The following RABEPK variants were observed in gnomAD, a reference collection of about 807,000 sequenced individuals.
The protein encoded by RABEPK is 40 kDa Rab9 effector protein.
RABEPK carries 27 observed loss-of-function variants against 34.1 expected under a neutral mutation model. The ratio of observed to expected loss-of-function variants is 0.79; its 90% CI spans 0.58 to 1.09. The LOEUF is 1.09. Ranked by LOEUF, RABEPK falls within the 50% of genes least tolerant of loss-of-function variation. The probability of loss-of-function intolerance (pLI) is 0.00; values close to 1 mark genes in which losing one functional copy is unlikely to be tolerated. For missense variants in RABEPK, 449 were observed against 462.6 expected (o/e 0.97, Z 0.27); for synonymous variants, 172 against 169.2 (o/e 1.02, Z -0.13).
intron 2 of RABEPK, among the ~76,000 whole-genome samples, chr9:125,206,969 A>G (rs1315053388): frequency 6.6e-6 from 1 of 151,900 alleles, no homozygotes; most frequent in African/African-American, 2.4e-5. Flanking sequence ...CATGCCTGTA[A>G]TCCCAGCTGC....
rs930835824 is a variant in RABEPK, at chr9:125,203,084, C to G, written c.53+18C>G. 1 of 1,608,110 alleles carries G rather than the reference C, an allele frequency of 6.2e-7. No homozygotes were observed. Among genetic ancestry groups the G allele is most frequent in the Non-Finnish European group, 8.5e-7 (1 of 1,175,256 alleles). ...GCAACATGGTCTGTAAGGAAGGATC[C>G]AGACACAGAAAAGCATGAGTTTTTG... On this transcript the variant is annotated intron_variant, in intron 2 of 7. Transcript: ENST00000373538.
chr9:125,215,549 C>CA (rs1251638857), intron 4 of RABEPK, among the ~76,000 whole-genome samples: 1 of 151,904 alleles, frequency 6.6e-6, no homozygotes, highest in East Asian at 1.9e-4. Flanking sequence ...TGGGCTCAAG[C>CA]AATTTTCCTG....
chr9:125,200,710 C>T lies in RABEPK; in HGVS notation c.-203C>T, dbSNP rs774674538. The stretch of plus-strand genomic sequence containing the variant: ...GGTGCAAAGAACGGGGAAGGGCCTT[C>T]CCTGGCTCCGTCCCGGCCACTTTGA... On this transcript the variant is annotated 5_prime_UTR_variant, in exon 1 of 8. Coordinates refer to ENST00000373538, the MANE Select transcript of RABEPK (RefSeq NM_005833.4). The T allele has an allele frequency of 4.5e-5, 21 of 471,264 alleles. 1 individual carries two copies. The highest frequency in any genetic ancestry group is 2.8e-4 in the South Asian group (18 of 64,576). 29.2% of individuals were successfully genotyped at this position (471,264 alleles called of 1,614,324 possible). A position where few individuals can be genotyped will look rare whatever the true frequency, so the allele number is the denominator to read the frequency against.
chr9:125,219,574 T>C (rs1831182467), intron 4 of RABEPK, among the ~76,000 whole-genome samples: 1 of 151,682 alleles, frequency 6.6e-6, no homozygotes, highest in African/African-American at 2.4e-5. Context: ...TATTTATTTA[T>C]TTATTTTTAG....
At chr9:125,216,649 G>T (rs1830944232) in intron 4 of RABEPK, among the ~76,000 whole-genome samples, 1 of 151,936 alleles carries the variant, frequency 6.6e-6, no homozygotes, top group Non-Finnish European at 1.5e-5. Context: ...AATACTCAGG[G>T]TACAGAACAC....
chr9:125,201,476 T>G (rs1829899667), intron 1 of RABEPK, among the ~76,000 whole-genome samples: 1 of 152,356 alleles, frequency 6.6e-6, no homozygotes, highest in Non-Finnish European at 1.5e-5. Context: ...TCTCAGCTTC[T>G]TTAAATATTT....
At chr9:125,201,836 C>G (rs1024904484) in intron 1 of RABEPK, among the ~76,000 whole-genome samples, 2 of 151,700 alleles carry the variant, frequency 1.3e-5, no homozygotes, top group South Asian at 4.1e-4. Flanking sequence ...AGGATGGTAT[C>G]GATCTGACCT....
chr9:125,232,772 T>G, intron 7 of RABEPK, 27 bp downstream of exon 7: 2 of 1,588,976 alleles, frequency 1.3e-6, no homozygotes, highest in Non-Finnish European at 1.7e-6. Context: ...GGGGGATCTT[T>G]AAACAAATCT....
chr9:125,227,009 A>T (rs908152092), intron 5 of RABEPK, among the ~76,000 whole-genome samples: 3 of 151,708 alleles, frequency 2.0e-5, no homozygotes, highest in African/African-American at 4.8e-5. Context: ...GTCTCTACTA[A>T]AAATACAAAA....
chr9:125,219,327 G>C (rs1831164923), intron 4 of RABEPK, among the ~76,000 whole-genome samples: 1 of 150,526 alleles, frequency 6.6e-6, no homozygotes, highest in Non-Finnish European at 1.5e-5. Context: ...TTCCCAAAGT[G>C]CTAGGGTTAC....
chr9:125,204,031 CAA>C (rs111335703), intron 2 of RABEPK, among the ~76,000 whole-genome samples: 41,056 of 81,760 alleles, frequency 0.5, 7,432 homozygotes, highest in East Asian at 0.59. Flanking sequence ...GAATCCGTTT[CAA>C]AAAAAAAAAA....
At chr9:125,214,991 T>C (rs1040521426) in intron 4 of RABEPK, among the ~76,000 whole-genome samples, 1 of 151,968 alleles carries the variant, frequency 6.6e-6, no homozygotes, top group African/African-American at 2.4e-5. Context: ...GGTTTCTCCA[T>C]GTTAGCCAGG....
At chr9:125,233,643 A>G (rs745527635) in intron 7 of RABEPK, 45 bp from the exon 8 acceptor site, 39 of 1,581,246 alleles carry the variant, frequency 2.5e-5, no homozygotes, top group Non-Finnish European at 2.8e-5. Flanking sequence ...TGCCCGGCCT[A>G]TCTGGAAATT....
intron 5 of RABEPK, among the ~76,000 whole-genome samples, chr9:125,224,289 G>T (rs1831576806): frequency 6.6e-6 from 1 of 151,614 alleles, no homozygotes; most frequent in Non-Finnish European, 1.5e-5. Flanking sequence ...TAATTTTCCA[G>T]AATTCTATAT....
chr9:125,204,262 G>A (rs942469097), intron 2 of RABEPK, among the ~76,000 whole-genome samples: 5 of 151,636 alleles, frequency 3.3e-5, no homozygotes, highest in East Asian at 3.9e-4. Flanking sequence ...GCGACAGAGC[G>A]AGACTCCATC....
chr9:125,202,029 A>G (rs1829938821), intron 1 of RABEPK, among the ~76,000 whole-genome samples: 1 of 147,702 alleles, frequency 6.8e-6, no homozygotes. Flanking sequence ...TGGCGAACAT[A>G]GTGAAACCCC....
At chr9:125,231,379 G>A (rs144105968) in intron 6 of RABEPK, among the ~76,000 whole-genome samples, 6 of 152,330 alleles carry the variant, frequency 3.9e-5, no homozygotes, top group South Asian at 4.1e-4. Flanking sequence ...GCACATTATC[G>A]TGTAGAGATT....
chr9:125,210,723 G>T (rs952581260), intron 3 of RABEPK, among the ~76,000 whole-genome samples: 5 of 141,906 alleles, frequency 3.5e-5, no homozygotes, highest in South Asian at 2.3e-4. Context: ...AAAAAAAAAA[G>T]AAAATAAAAG....
At chr9:125,203,196 C>G in intron 2 of RABEPK, 130 bp downstream of exon 2, 2 of 693,732 alleles carry the variant, frequency 2.9e-6, no homozygotes, top group South Asian at 3.3e-5. Flanking sequence ...GGTAATTAGA[C>G]TCAAACTGTC....
Sources: allele counts gnomAD v4.1 joint callset (sites outside exome capture counted in the v4.1 genomes callset), GRCh38; gene constraint gnomAD v4.1.1; transcripts MANE v1.5; gene names NCBI Gene and HGNC (gene_info 2026-07-23, HGNC 2026-07-21).